Variants in CYP7B1 observed in about 807,000 individuals in gnomAD.
CYP7B1 encodes the protein cytochrome P450 7B1.
In CYP7B1, 29 loss-of-function variants were observed where a neutral mutation model predicts 42.7. The ratio of observed to expected loss-of-function variants is 0.68; its 90% confidence interval spans 0.51 to 0.93. CYP7B1 has a LOEUF of 0.93. CYP7B1 is among the 40% of genes least tolerant of loss of function. CYP7B1 has a pLI of 0.00. For missense variants in CYP7B1, 655 were observed against 600.5 expected (o/e 1.09, Z -0.95); for synonymous variants, 235 against 218.2 (o/e 1.08, Z -0.68).
At chr8:64,787,084 C>T (rs112871358) in intron 1 of CYP7B1, among the ~76,000 whole-genome samples, 2 of 152,196 alleles carry the variant, frequency 1.3e-5, no homozygotes, top group East Asian at 1.9e-4. Flanking sequence ...ACTATGAAAC[C>T]GTTTTTCCCT....
At chr8:64,681,513 GT>G (rs1806538005) in intron 1 of CYP7B1, among the ~76,000 whole-genome samples, 3 of 152,198 alleles carry the variant, frequency 2.0e-5, no homozygotes, top group Admixed American at 1.3e-4. Flanking sequence ...GTGATGGTAT[GT>G]CACTTCCAAG....
intron 4 of CYP7B1, among the ~76,000 whole-genome samples, chr8:64,609,957 A>T (rs1198476747): frequency 6.6e-6 from 1 of 152,152 alleles, no homozygotes; most frequent in Non-Finnish European, 1.5e-5. Flanking sequence ...ACCCCAGACC[A>T]ATGCAATCAG....
chr8:64,716,753 A>G (rs1057420882), intron 1 of CYP7B1, among the ~76,000 whole-genome samples: 7 of 152,132 alleles, frequency 4.6e-5, no homozygotes, highest in Non-Finnish European at 7.3e-5. Flanking sequence ...AATTCTTTAA[A>G]ATTTATTAAA....
intron 1 of CYP7B1, among the ~76,000 whole-genome samples, chr8:64,770,103 T>C (rs1004380357): frequency 6.6e-6 from 1 of 152,176 alleles, no homozygotes; most frequent in Non-Finnish European, 1.5e-5. Context: ...AAAAGCCATA[T>C]TGGGAAGCAG....
At chr8:64,677,434 G>A (rs990225105) in intron 1 of CYP7B1, among the ~76,000 whole-genome samples, 2 of 90,440 alleles carry the variant, frequency 2.2e-5, no homozygotes, top group African/African-American at 7.4e-5. Context: ...ACATATTTAG[G>A]AGCCAAAAAA....
intron 1 of CYP7B1, among the ~76,000 whole-genome samples, chr8:64,772,512 C>A (rs1044041336): frequency 2.6e-5 from 4 of 152,186 alleles, no homozygotes; most frequent in African/African-American, 9.7e-5. Context: ...TCTGAGTCTC[C>A]AGTGCTCTGC....
intron 1 of CYP7B1, among the ~76,000 whole-genome samples, chr8:64,712,188 A>C (rs1807091026): frequency 1.3e-5 from 2 of 152,162 alleles, no homozygotes; most frequent in Admixed American, 1.3e-4. Context: ...CTTGAAAATC[A>C]TACTCTAAAA....
At chr8:64,764,828 C>T (rs921367496) in intron 1 of CYP7B1, among the ~76,000 whole-genome samples, 1 of 152,146 alleles carries the variant, frequency 6.6e-6, no homozygotes, top group African/African-American at 2.4e-5. Context: ...TAGTGCTATT[C>T]TGTTAGAAAA....
intron 1 of CYP7B1, among the ~76,000 whole-genome samples, chr8:64,724,592 G>A (rs1309303066): frequency 6.6e-6 from 1 of 152,188 alleles, no homozygotes; most frequent in Non-Finnish European, 1.5e-5. Flanking sequence ...AGATGTCTGA[G>A]AAGCAAGTCT....
rs541392299 is a variant in CYP7B1, at chr8:64,752,939, A to G, written c.122+45527T>C. Among the ~76,000 whole-genome samples the G allele has an allele frequency of 2.6e-4, 40 of 152,314 alleles. No individual in the cohort carries two copies. The East Asian group carries it at 7.1e-3, about 27-fold the overall frequency. ...ACTATTCATATACTACTTCTGCTAC[A>G]TATTAAAGAGATCAGAAGAAAGTTG... On this transcript the variant is annotated intron_variant, in intron 1 of 5. Coordinates refer to ENST00000310193, the MANE Select transcript of CYP7B1 (RefSeq NM_004820.5).
intron 1 of CYP7B1, among the ~76,000 whole-genome samples, chr8:64,744,369 T>C (rs907609358): frequency 7.2e-5 from 11 of 152,048 alleles, no homozygotes; most frequent in Admixed American, 5.9e-4. Context: ...TTTCCTTTTC[T>C]CATTACATAG....
intron 1 of CYP7B1, among the ~76,000 whole-genome samples, chr8:64,693,676 T>C (rs932310926): frequency 1.3e-5 from 2 of 152,142 alleles, no homozygotes; most frequent in Non-Finnish European, 2.9e-5. Context: ...GGATTAACAA[T>C]GAACTTAGAA....
At chr8:64,790,957 C>T (rs1232722176) in intron 1 of CYP7B1, among the ~76,000 whole-genome samples, 2 of 152,090 alleles carry the variant, frequency 1.3e-5, no homozygotes. Flanking sequence ...AATGTAGACA[C>T]AGACACAAAC....
rs954528303 is a variant in CYP7B1 at position 64,593,524 on chromosome 8, T to C, written c.*3118A>G. On this transcript the variant is annotated 3_prime_UTR_variant, in exon 6 of 6. Transcript: ENST00000310193. ...AGAAACCACAATACCTATGTAGCGT[T>C]CCCTCCCCACTCCCAGATAATCAAG... 2.0e-5 allele frequency among the ~76,000 whole-genome samples: 3 copies of C among 152,116 alleles called. No homozygotes were observed. The highest frequency in any genetic ancestry group is 7.2e-5 in the African/African-American group (3 of 41,408).
chr8:64,743,621 T>C (rs958024353), intron 1 of CYP7B1, among the ~76,000 whole-genome samples: 1 of 152,132 alleles, frequency 6.6e-6, no homozygotes, highest in Non-Finnish European at 1.5e-5. Flanking sequence ...CAGGCACGCA[T>C]CCCTTGTGCT....
chr8:64,789,508 C>T (rs1196367348), intron 1 of CYP7B1, among the ~76,000 whole-genome samples: 2 of 152,176 alleles, frequency 1.3e-5, no homozygotes, highest in Non-Finnish European at 2.9e-5. Flanking sequence ...TAACTACAAG[C>T]AAGCCTTTGC....
At chr8:64,688,407 T>C (rs1806689086) in intron 1 of CYP7B1, among the ~76,000 whole-genome samples, 1 of 151,976 alleles carries the variant, frequency 6.6e-6, no homozygotes, top group African/African-American at 2.4e-5. Flanking sequence ...TCCCTTCTTT[T>C]CTTTATTCAC....
intron 1 of CYP7B1, among the ~76,000 whole-genome samples, chr8:64,739,207 T>C (rs1391598009): frequency 6.6e-6 from 1 of 152,180 alleles, no homozygotes; most frequent in Non-Finnish European, 1.5e-5. Context: ...TAAGAAACAT[T>C]GGTGAAGGTC....
chr8:64,761,019 A>C (rs1807881740), intron 1 of CYP7B1, among the ~76,000 whole-genome samples: 1 of 152,174 alleles, frequency 6.6e-6, no homozygotes, highest in Non-Finnish European at 1.5e-5. Context: ...AAAAAGACGC[A>C]AATGTTGTCA....
Sources: allele counts gnomAD v4.1 joint callset (sites outside exome capture counted in the v4.1 genomes callset), GRCh38; gene constraint gnomAD v4.1.1; transcripts MANE v1.5; gene names NCBI Gene and HGNC (gene_info 2026-07-23, HGNC 2026-07-21).